LRP1B: variants seen among roughly 807,000 people sequenced by gnomAD.
LRP1B encodes low-density lipoprotein receptor-related protein 1B.
A neutral mutation model predicts 556.6 loss-of-function variants in LRP1B; 217 were observed. The observed-to-expected ratio is 0.39, with a 90% CI of 0.35 to 0.44. The LOEUF (loss-of-function observed/expected upper bound fraction) is 0.44, where lower values mean the gene tolerates loss of function less well. LRP1B is among the 20% of genes least tolerant of loss of function. The pLI is 1.00. For missense variants in LRP1B, 5,053 were observed against 5,620.8 expected, an observed-to-expected ratio of 0.90 and a Z score of 3.23; for synonymous variants, 2,047 against 1,865.8, an observed-to-expected ratio of 1.10 and a Z score of -2.50.
intron 1 of LRP1B, among the ~76,000 whole-genome samples, chr2:142,006,507 T>G (rs1574585853): frequency 1.3e-5 from 2 of 152,208 alleles, no homozygotes; most frequent in South Asian, 4.1e-4. Flanking sequence ...CCTTTGCATT[T>G]AAAAATTTTA....
At chr2:141,838,912 G>A (rs553817450) in intron 1 of LRP1B, among the ~76,000 whole-genome samples, 1 of 152,234 alleles carries the variant, frequency 6.6e-6, no homozygotes, top group African/African-American at 2.4e-5. Flanking sequence ...TTAAGGTCAA[G>A]TTAAGAAGCT....
chr2:141,600,449 GT>G (rs1230797301), intron 2 of LRP1B, among the ~76,000 whole-genome samples: 3 of 152,182 alleles, frequency 2.0e-5, no homozygotes, highest in African/African-American at 7.2e-5. Flanking sequence ...AGTAATGGTG[GT>G]GGTAGAACTG....
At chr2:141,571,647 A>G (rs1686534022) in intron 2 of LRP1B, among the ~76,000 whole-genome samples, 2 of 151,488 alleles carry the variant, frequency 1.3e-5, no homozygotes, top group Non-Finnish European at 2.9e-5. Context: ...GCCAAAGGAA[A>G]TGTTCTAACC....
intron 32 of LRP1B, among the ~76,000 whole-genome samples, chr2:140,786,781 G>A (rs575439147): frequency 3.5e-4 from 53 of 152,184 alleles, no homozygotes; most frequent in African/African-American, 1.3e-3. Flanking sequence ...GAGCTGAAGG[G>A]GCAGTCTAGG....
At chr2:141,397,581 G>A (rs1690288193) in intron 3 of LRP1B, among the ~76,000 whole-genome samples, 1 of 151,798 alleles carries the variant, frequency 6.6e-6, no homozygotes, top group African/African-American at 2.4e-5. Flanking sequence ...GAGATAAAAA[G>A]GCAACTATTA....
chr2:141,632,082 C>A (rs1038389208), intron 2 of LRP1B, among the ~76,000 whole-genome samples: 1 of 151,800 alleles, frequency 6.6e-6, no homozygotes, highest in Admixed American at 6.6e-5. Context: ...CATAACCATA[C>A]CCAGATAATT....
chr2:141,079,004 T>C (rs1285835059), intron 7 of LRP1B, among the ~76,000 whole-genome samples: 1 of 152,164 alleles, frequency 6.6e-6, no homozygotes, highest in Non-Finnish European at 1.5e-5. Flanking sequence ...GGGTTTGGTT[T>C]AAAACTCCAG....
At chr2:140,272,754 G>GA (rs1682518965) in intron 85 of LRP1B, among the ~76,000 whole-genome samples, 3 of 151,862 alleles carry the variant, frequency 2.0e-5, no homozygotes, top group South Asian at 4.1e-4. Context: ...ACATGTTTCA[G>GA]AAAATCCAAA....
At chr2:140,300,686 C>T (rs922794251) in intron 83 of LRP1B, among the ~76,000 whole-genome samples, 19 of 152,080 alleles carry the variant, frequency 1.2e-4, no homozygotes, top group African/African-American at 4.6e-4. Context: ...GATTCATAGC[C>T]TATGAGTGTC....
At chr2:140,525,387 G>A (rs946808015) in intron 49 of LRP1B, among the ~76,000 whole-genome samples, 4 of 151,864 alleles carry the variant, frequency 2.6e-5, no homozygotes, top group Admixed American at 6.6e-5. Context: ...GTCTTAACTT[G>A]ATTCAATAAT....
intron 2 of LRP1B, among the ~76,000 whole-genome samples, chr2:141,697,007 T>G (rs1691755328): frequency 6.6e-6 from 1 of 151,978 alleles, no homozygotes; most frequent in South Asian, 2.1e-4. Context: ...GATAGGTCAG[T>G]TTTCTTAATT....
At chr2:140,969,539 G>A (rs571503231) in intron 18 of LRP1B, among the ~76,000 whole-genome samples, 4 of 152,174 alleles carry the variant, frequency 2.6e-5, no homozygotes, top group African/African-American at 9.6e-5. Context: ...GGTTAATATT[G>A]TTATGTGTGA....
At chr2:141,436,654 T>C (rs1680776993) in intron 3 of LRP1B, among the ~76,000 whole-genome samples, 1 of 152,142 alleles carries the variant, frequency 6.6e-6, no homozygotes, top group Non-Finnish European at 1.5e-5. Context: ...AATAAAATTG[T>C]ATTATTTTCC....
chr2:141,239,741 C>T (rs1683792285), intron 5 of LRP1B, among the ~76,000 whole-genome samples: 1 of 151,678 alleles, frequency 6.6e-6, no homozygotes, highest in Non-Finnish European at 1.5e-5. Context: ...CTTCTATTTT[C>T]TCAAGGAAAT....
intron 2 of LRP1B, among the ~76,000 whole-genome samples, chr2:141,762,760 T>TCTTC (rs1558859155): frequency 6.6e-6 from 1 of 152,172 alleles, no homozygotes; most frequent in Non-Finnish European, 1.5e-5. Context: ...GTGTTTTTCT[T>TCTTC]TAAGTTCTCT....
chr2:140,700,556 G>A lies in LRP1B; in HGVS notation c.6493C>T (p.Arg2165Trp), dbSNP rs369842040. 164 of 1,613,480 alleles carry A rather than the reference G, an allele frequency of 1.0e-4. No individual in the cohort carries two copies. In the East Asian group the frequency reaches 2.5e-3, roughly 24 times the overall value. Residue 2165 changes from arginine (R) to tryptophan (W), a missense_variant, in exon 41 of 91, where the codon CGG becomes TGG. This residue lies in a region of LRP1B where 3,619 missense variants were observed against 3,931.9 expected (regional missense o/e 0.92). Transcript: ENST00000389484. Reference protein sequence around the residue: ...KQLCLYRGNSRRTCACAHGYL... With the variant: ...KQLCLYRGNSWRTCACAHGYL... ...CCATGGGCACAAGCACAAGTTCTCC[G>A]GGAATTTCCTCGATAAAGACAGAGT...
rs374013677 is a variant in LRP1B, at chr2:141,776,257, T to C, written c.205+34022A>G. On this transcript the variant is annotated intron_variant, in intron 2 of 90. Coordinates refer to ENST00000389484, the MANE Select transcript of LRP1B (RefSeq NM_018557.3). ...AATGTTATATGTCAGTGTTGTTTTC[T>C]TCCAAAGAGTTGTTGACTGAAAGAA... Among the ~76,000 whole-genome samples, 76 of 152,300 alleles carry C rather than the reference T, an allele frequency of 5.0e-4. 2 individuals carry two copies. In the East Asian group the frequency reaches 7.2e-3, roughly 14 times the overall value.
chr2:140,807,953 G>A (rs1172849178), intron 32 of LRP1B, among the ~76,000 whole-genome samples: 1 of 152,098 alleles, frequency 6.6e-6, no homozygotes, highest in Non-Finnish European at 1.5e-5. Context: ...TTAACCGGGT[G>A]TAATGGCGCA....
chr2:141,616,394 C>A (rs1428595803), intron 2 of LRP1B, among the ~76,000 whole-genome samples: 1 of 152,098 alleles, frequency 6.6e-6, no homozygotes, highest in Non-Finnish European at 1.5e-5. Context: ...TCTCCCACCC[C>A]CATTATCTCC....
Sources: gnomAD v4.1 joint callset for allele counts (sites outside exome capture counted in the v4.1 genomes callset) on GRCh38, gnomAD v4.1.1 for gene constraint, gnomAD v4.1.1 regional missense constraint, MANE v1.5 for transcripts, NCBI Gene and HGNC (gene_info 2026-07-23, HGNC 2026-07-21) for gene names.